Variants in CNIH3 observed in about 807,000 individuals in gnomAD.
The protein encoded by CNIH3 is protein cornichon homolog 3.
Under a neutral mutation model 24.1 loss-of-function variants are expected in CNIH3, and 14 were observed. That is an observed-to-expected ratio of 0.58 (90% CI 0.38 to 0.91). The LOEUF (loss-of-function observed/expected upper bound fraction) is 0.91. CNIH3 is among the 40% of genes least tolerant of loss of function. The pLI is 0.00. For missense variants in CNIH3, 178 were observed against 196.8 expected (o/e 0.90, Z 0.57); for synonymous variants, 68 against 73.8 (o/e 0.92, Z 0.40).
intron 3 of CNIH3, among the ~76,000 whole-genome samples, chr1:224,601,388 C>T (rs1682202229): frequency 6.6e-6 from 1 of 152,204 alleles, no homozygotes; most frequent in Non-Finnish European, 1.5e-5. Flanking sequence ...CCAGTGAATG[C>T]CGCCATTTTG....
chr1:224,728,392 C>T (rs1166004630), intron 3 of CNIH3, among the ~76,000 whole-genome samples: 1 of 152,114 alleles, frequency 6.6e-6, no homozygotes, highest in African/African-American at 2.4e-5. Flanking sequence ...ACATGGCGTG[C>T]CCCCTCCTGC....
upstream of CNIH3, among the ~76,000 whole-genome samples, chr1:224,614,936 C>CAAATAAATAAATAAAT (rs56329135): frequency 4.7e-4 from 69 of 146,698 alleles, no homozygotes; most frequent in Non-Finnish European, 6.7e-4. Flanking sequence ...GAGACTCCGT[C>CAAATAAATAAATAAAT]AAATAAATAA....
intron 3 of CNIH3, among the ~76,000 whole-genome samples, chr1:224,564,195 G>T (rs1336560291): frequency 6.6e-6 from 1 of 152,164 alleles, no homozygotes; most frequent in African/African-American, 2.4e-5. Flanking sequence ...GCAGGCTTGT[G>T]TGCTAGTAAT....
At chr1:224,728,906 A>G (rs1324278805) in intron 3 of CNIH3, among the ~76,000 whole-genome samples, 1 of 152,232 alleles carries the variant, frequency 6.6e-6, no homozygotes, top group Non-Finnish European at 1.5e-5. Flanking sequence ...GCAAATGGAA[A>G]TGAGAAAAGA....
Position 224,704,460 on chromosome 1 carries a change from C to T in CNIH3, c.198+19617C>T, listed in dbSNP as rs776481671. Among the ~76,000 whole-genome samples the T allele has an allele frequency of 5.9e-5, 9 of 152,194 alleles. No individual in the cohort carries two copies. The highest frequency in any genetic ancestry group is 1.3e-4 in the Non-Finnish European group (9 of 68,046). On this transcript the variant is annotated intron_variant, in intron 3 of 5. Transcript: ENST00000272133. This position sits in a 1 kb window ranked among gnomAD's most constrained non-coding sequence, Gnocchi z 4.2. ...GAGCCATCCCCTGAGTCTCATTTAA[C>T]ATTTTATTTTGAAAAATGTCAAATA...
intron 1 of CNIH3, among the ~76,000 whole-genome samples, chr1:224,440,061 T>C (rs1391825122): frequency 6.6e-6 from 1 of 152,234 alleles, no homozygotes; most frequent in Non-Finnish European, 1.5e-5. Flanking sequence ...GTGTTGGGAT[T>C]ACAGGCGTGA....
At chr1:224,738,110 G>A (rs776591384) in intron 5 of CNIH3, among the ~76,000 whole-genome samples, 9 of 152,124 alleles carry the variant, frequency 5.9e-5, no homozygotes, top group Non-Finnish European at 8.8e-5. Context: ...TCACCTCTGC[G>A]TCTGCAGTGT....
intron 1 of CNIH3, among the ~76,000 whole-genome samples, chr1:224,634,780 G>A (rs10799590): frequency 0.56 from 84,935 of 151,760 alleles, 25,334 homozygotes; most frequent in East Asian, 0.78. Context: ...CCCTGCATCT[G>A]TTCTGTGTTG....
intron 3 of CNIH3, chr1:224,546,946 C>G: frequency 1.0e-6 from 1 of 980,614 alleles, no homozygotes; most frequent in Non-Finnish European, 1.2e-6. Flanking sequence ...TATGGTAAGC[C>G]AGAAACAAGA....
intron 3 of CNIH3, among the ~76,000 whole-genome samples, chr1:224,702,844 C>G (rs1687575264): frequency 6.6e-6 from 1 of 152,164 alleles, no homozygotes; most frequent in Non-Finnish European, 1.5e-5. Flanking sequence ...CCTCTCTTCC[C>G]TTCCCTCTCA....
At chr1:224,645,839 A>G (rs1339435492) in intron 1 of CNIH3, among the ~76,000 whole-genome samples, 1 of 152,196 alleles carries the variant, frequency 6.6e-6, no homozygotes, top group African/African-American at 2.4e-5. Flanking sequence ...TCTCGCTCCA[A>G]GGGAATTAAT....
In CNIH3 at chr1:224,629,497, T is replaced by C. The variant is rs1683711914; in HGVS notation, c.81+12242T>C. On this transcript the variant is annotated intron_variant, in intron 1 of 5. Transcript: ENST00000272133. Reference sequence around the variant, plus strand: ...ATTTTACAGAGTTTGACTCTTTCTGTCGACAGTTCCGTTGTATGGATAGAC... The same window carrying C: ...ATTTTACAGAGTTTGACTCTTTCTGCCGACAGTTCCGTTGTATGGATAGAC... Among the ~76,000 whole-genome samples the C allele has an allele frequency of 5.9e-5, 9 of 152,242 alleles. No individual in the cohort carries two copies. In the South Asian group the frequency reaches 1.9e-3, roughly 32 times the overall value.
chr1:224,452,605 C>T (rs930252477), intron 1 of CNIH3, among the ~76,000 whole-genome samples: 1 of 149,780 alleles, frequency 6.7e-6, no homozygotes, highest in Non-Finnish European at 1.5e-5. Flanking sequence ...CACGGTGAAA[C>T]CCCGTCTCTA....
At chr1:224,530,740 C>T (rs1334707367) in intron 2 of CNIH3, among the ~76,000 whole-genome samples, 1 of 152,090 alleles carries the variant, frequency 6.6e-6, no homozygotes, top group East Asian at 1.9e-4. Context: ...GTTGGGATTA[C>T]AGGCGCCTGC....
intron 1 of CNIH3, among the ~76,000 whole-genome samples, chr1:224,659,589 A>G (rs1489428181): frequency 1.3e-5 from 2 of 152,164 alleles, no homozygotes; most frequent in Admixed American, 6.5e-5. Flanking sequence ...AGTGAACCTT[A>G]TAAAGGAAAG....
chr1:224,606,731 T>G (rs1035115846), intron 3 of CNIH3, among the ~76,000 whole-genome samples: 1 of 152,160 alleles, frequency 6.6e-6, no homozygotes, highest in Non-Finnish European at 1.5e-5. Flanking sequence ...CTATCCATAT[T>G]GCCATGGTCT....
At chr1:224,470,167 C>T (rs934100020) in intron 1 of CNIH3, among the ~76,000 whole-genome samples, 2 of 151,690 alleles carry the variant, frequency 1.3e-5, no homozygotes, top group East Asian at 1.9e-4. Context: ...TACAGGCACC[C>T]GCCACCATGC....
At chr1:224,661,642 A>T (rs780331982) in intron 1 of CNIH3, 3 of 300,352 alleles carry the variant, frequency 1.0e-5, no homozygotes, top group South Asian at 4.0e-5. Flanking sequence ...TGATTGTCAA[A>T]ATGACTTCCG....
intron 2 of CNIH3, among the ~76,000 whole-genome samples, chr1:224,525,070 C>T (rs1678792336): frequency 6.6e-6 from 1 of 152,144 alleles, no homozygotes; most frequent in Non-Finnish European, 1.5e-5. Context: ...AAAAGAGAGA[C>T]CAAGTTTGAT....
Sources: gnomAD v4.1 joint callset for allele counts (sites outside exome capture counted in the v4.1 genomes callset) on GRCh38, gnomAD v4.1.1 for gene constraint, Gnocchi (gnomAD v3.1) non-coding constraint, MANE v1.5 for transcripts, NCBI Gene and HGNC (gene_info 2026-07-23, HGNC 2026-07-21) for gene names.